MCTP1: variants seen among roughly 807,000 people sequenced by gnomAD.
MCTP1 encodes the protein multiple C2 and transmembrane domain containing 1.
In MCTP1, 69 loss-of-function variants were observed where a neutral mutation model predicts 120.6. The observed-to-expected ratio is 0.57, with a 90% CI of 0.47 to 0.70. The LOEUF is 0.70. Ranked by LOEUF, MCTP1 falls within the 30% of genes least tolerant of loss-of-function variation. The pLI is 0.00. For missense variants in MCTP1, 1,203 were observed against 1,248.8 expected (o/e 0.96, Z 0.55); for synonymous variants, 529 against 493.1 (o/e 1.07, Z -0.96).
intron 17 of MCTP1, among the ~76,000 whole-genome samples, chr5:94,812,979 T>C (rs757313190): frequency 1.7e-4 from 26 of 151,856 alleles, no homozygotes; most frequent in Admixed American, 5.9e-4. Context: ...ATTTAAAAAT[T>C]TGGCCTCATT....
chr5:94,771,318 G>A (rs1394949894), intron 19 of MCTP1, among the ~76,000 whole-genome samples: 3 of 152,130 alleles, frequency 2.0e-5, no homozygotes, highest in East Asian at 1.9e-4. Flanking sequence ...GGGAGAAAGT[G>A]TAAATCTTCA....
intron 1 of MCTP1, among the ~76,000 whole-genome samples, chr5:95,145,261 A>G (rs1477290675): frequency 1.3e-5 from 2 of 152,142 alleles, no homozygotes; most frequent in Non-Finnish European, 2.9e-5. Context: ...CTGAAAGTTT[A>G]CTGAAGTCAT....
At chr5:95,261,775 G>A (rs1457338105) in intron 1 of MCTP1, among the ~76,000 whole-genome samples, 1 of 152,224 alleles carries the variant, frequency 6.6e-6, no homozygotes, top group Non-Finnish European at 1.5e-5. Flanking sequence ...CTCTGCAATG[G>A]AGATGTACAT....
chr5:95,117,627 C>G (rs530703024), intron 1 of MCTP1, among the ~76,000 whole-genome samples: 1 of 152,000 alleles, frequency 6.6e-6, no homozygotes, highest in Admixed American at 6.6e-5. Flanking sequence ...GATCTAGAAC[C>G]AGAAAAACCA....
intron 8 of MCTP1, among the ~76,000 whole-genome samples, chr5:94,916,860 A>G (rs1810203292): frequency 6.6e-6 from 1 of 152,250 alleles, no homozygotes; most frequent in African/African-American, 2.4e-5. Flanking sequence ...ATTCTGATAC[A>G]CACTCTAGAG....
In MCTP1 at chr5:94,868,354, TG is replaced by T; in HGVS notation, c.2414del (p.Pro805GlnfsTer21). On this transcript the variant is annotated frameshift_variant, in exon 17 of 23. Coordinates refer to ENST00000515393, the MANE Select transcript of MCTP1 (RefSeq NM_024717.7). LOFTEE classifies it high-confidence loss of function. Reference sequence around the variant, plus strand: ...ATACCACAAAAGCAGCGAGACTCCTTGGGGGTGAATCCCAATCAAAGCAACT... The same window carrying T: ...ATACCACAAAAGCAGCGAGACTCCTTGGGGTGAATCCCAATCAAAGCAACT... The part of the protein sequence containing the change: ...VNSCFDWDSP[P>X]RSLAAFVLFL... 1 of 1,604,544 alleles carries T rather than the reference TG, an allele frequency of 6.2e-7. No individual in the cohort carries two copies. Among genetic ancestry groups the T allele is most frequent in the Non-Finnish European group, 8.5e-7 (1 of 1,175,832 alleles).
Position 94,779,266 on chromosome 5 carries a change from C to A in MCTP1, c.2557-103G>T, listed in dbSNP as rs62365728. The A allele has an allele frequency of 8.6e-3, 7,797 of 911,290 alleles. 59 individuals carry two copies. Among genetic ancestry groups the A allele is most frequent in the Non-Finnish European group, 0.012 (6,591 of 543,596 alleles). 56.5% of individuals were successfully genotyped at this position (911,290 alleles called of 1,614,324 possible). A position where few individuals can be genotyped will look rare whatever the true frequency, so the allele number is the denominator to read the frequency against. ...ATGAAAACTTTATTAACATTTGAAACAGGCACACTGAGAAGGGATATTTGA... is the reference window on the plus strand; with the variant it reads ...ATGAAAACTTTATTAACATTTGAAAAAGGCACACTGAGAAGGGATATTTGA... On this transcript the variant is annotated intron_variant, in intron 18 of 22. Coordinates refer to ENST00000515393, the MANE Select transcript of MCTP1 (RefSeq NM_024717.7).
At chr5:94,833,504 G>C (rs1312032547) in intron 17 of MCTP1, among the ~76,000 whole-genome samples, 1 of 152,158 alleles carries the variant, frequency 6.6e-6, no homozygotes, top group African/African-American at 2.4e-5. Flanking sequence ...TAATGAAGGG[G>C]TTGCTAGAAG....
chr5:95,068,897 G>T (rs1003021268), intron 1 of MCTP1: 3 of 850,398 alleles, frequency 3.5e-6, no homozygotes, highest in Middle Eastern at 2.9e-4. Flanking sequence ...ATCAATAGTA[G>T]TTTTTTATAG....
intron 19 of MCTP1, among the ~76,000 whole-genome samples, chr5:94,765,342 A>G (rs551343828): frequency 6.6e-6 from 1 of 152,344 alleles, no homozygotes; most frequent in Admixed American, 6.5e-5. Context: ...AGGAACTAGA[A>G]CGGCAAGAAC....
intron 19 of MCTP1, among the ~76,000 whole-genome samples, chr5:94,718,859 A>G (rs1760161589): frequency 6.6e-6 from 1 of 152,158 alleles, no homozygotes; most frequent in Non-Finnish European, 1.5e-5. Context: ...AGCTGGTATT[A>G]CAGGCATGTG....
chr5:95,232,746 G>A (rs1159064663), intron 1 of MCTP1, among the ~76,000 whole-genome samples: 1 of 151,858 alleles, frequency 6.6e-6, no homozygotes, highest in Non-Finnish European at 1.5e-5. Context: ...GACATAATGT[G>A]TTAAAATAAA....
At chr5:95,092,898 T>G (rs2152345246) in intron 1 of MCTP1, among the ~76,000 whole-genome samples, 1 of 152,342 alleles carries the variant, frequency 6.6e-6, no homozygotes, top group East Asian at 1.9e-4. Context: ...AGGAGTATGC[T>G]TCACAAATTC....
intron 4 of MCTP1, 126 bp downstream of exon 4, chr5:94,942,222 G>T: frequency 1.6e-6 from 1 of 622,358 alleles, no homozygotes; most frequent in Non-Finnish European, 2.8e-6. Flanking sequence ...ATTTGAGAAA[G>T]GCTGACTAGC....
At chr5:94,861,583 T>C (rs1581081191) in intron 17 of MCTP1, among the ~76,000 whole-genome samples, 2 of 152,006 alleles carry the variant, frequency 1.3e-5, no homozygotes, top group South Asian at 4.1e-4. Context: ...AATTAGATCA[T>C]TTATTTAAAC....
chr5:94,918,035 T>C (rs1810573794), intron 7 of MCTP1, 62 bp from the exon 8 acceptor site: 1 of 1,246,748 alleles, frequency 8.0e-7, no homozygotes, highest in Non-Finnish European at 1.2e-6. Context: ...CAACCCCTCA[T>C]TTTGATCAGC....
At chr5:94,962,468 A>G (rs544855366) in intron 2 of MCTP1, among the ~76,000 whole-genome samples, 1 of 150,212 alleles carries the variant, frequency 6.7e-6, no homozygotes, top group East Asian at 1.9e-4. Flanking sequence ...TTGTATTTAT[A>G]TATCATATAT....
chr5:94,935,551 A>C (rs1488043165), intron 5 of MCTP1, among the ~76,000 whole-genome samples: 1 of 152,000 alleles, frequency 6.6e-6, no homozygotes, highest in African/African-American at 2.4e-5. Flanking sequence ...TTATCTGTAA[A>C]AGGCTCTTGA....
chr5:95,191,305 T>A (rs1377114202), intron 1 of MCTP1, among the ~76,000 whole-genome samples: 1 of 152,032 alleles, frequency 6.6e-6, no homozygotes, highest in Non-Finnish European at 1.5e-5. Context: ...TTTGTACCCA[T>A]TTGTATTTAG....
Sources: allele counts gnomAD v4.1 joint callset (sites outside exome capture counted in the v4.1 genomes callset), GRCh38; gene constraint gnomAD v4.1.1; transcripts MANE v1.5; gene names NCBI Gene and HGNC (gene_info 2026-07-23, HGNC 2026-07-21).